The following PLEKHA2 variants were observed in gnomAD, a reference collection of about 807,000 sequenced individuals.
The protein encoded by PLEKHA2 is pleckstrin homology domain-containing family A member 2.
A neutral mutation model predicts 53.2 loss-of-function variants in PLEKHA2; 28 were observed. The observed-to-expected ratio is 0.53, with a 90% CI of 0.39 to 0.72. PLEKHA2 has a LOEUF of 0.72. Among genes scored for constraint, PLEKHA2 ranks in the 30% least tolerant of loss-of-function variants. The pLI is 0.00. For missense variants in PLEKHA2, 426 were observed against 537.9 expected, an observed-to-expected ratio of 0.79 and a Z score of 2.06; for synonymous variants, 193 against 196.4, an observed-to-expected ratio of 0.98 and a Z score of 0.14.
intron 2 of PLEKHA2, among the ~76,000 whole-genome samples, chr8:38,930,029 A>G (rs1834361191): frequency 6.6e-6 from 1 of 152,182 alleles, no homozygotes; most frequent in South Asian, 2.1e-4. Context: ...GGTGTGCCAC[A>G]TCCCTGTATG....
intron 2 of PLEKHA2, among the ~76,000 whole-genome samples, chr8:38,918,414 T>TGC (rs1834103012): frequency 7.6e-6 from 1 of 131,708 alleles, no homozygotes. Flanking sequence ...CACAGACACA[T>TGC]ACACACACCA....
chr8:38,949,865 T>C (rs1050735656), intron 5 of PLEKHA2, among the ~76,000 whole-genome samples: 6 of 152,212 alleles, frequency 3.9e-5, no homozygotes, highest in Non-Finnish European at 8.8e-5. Flanking sequence ...GGTTTGATGG[T>C]TGCCAAAGGT....
intron 10 of PLEKHA2, among the ~76,000 whole-genome samples, chr8:38,957,597 GCCGCT>G (rs772572375): frequency 1.4e-4 from 21 of 152,230 alleles, no homozygotes; most frequent in Non-Finnish European, 2.2e-4. Flanking sequence ...AGCAGGTTGA[GCCGCT>G]CTACTGAGGA....
chr8:38,926,809 G>A (rs1834297218), intron 2 of PLEKHA2, among the ~76,000 whole-genome samples: 2 of 152,120 alleles, frequency 1.3e-5, no homozygotes, highest in African/African-American at 4.8e-5. Flanking sequence ...AAGCTACTCA[G>A]GAGGCTGAGG....
rs931115173 is a variant in PLEKHA2, at chr8:38,969,902, G to A, written c.*119G>A. The A allele has an allele frequency of 7.1e-6, 10 of 1,414,260 alleles. No homozygotes were observed. Among genetic ancestry groups the A allele is most frequent in the South Asian group, 5.3e-5 (4 of 75,038 alleles). 87.6% of individuals were successfully genotyped at this position (1,414,260 alleles called of 1,614,324 possible). On this transcript the variant is annotated 3_prime_UTR_variant, in exon 12 of 12. Transcript: ENST00000617275. Reference sequence around the variant, plus strand: ...AGGCCTTTATGTCACTCATATTCCTGTGGATGCTCTTTGGGAGGGAGGGGC... The same window carrying A: ...AGGCCTTTATGTCACTCATATTCCTATGGATGCTCTTTGGGAGGGAGGGGC...
At chr8:38,943,686 C>T (rs1031164837) in intron 3 of PLEKHA2, 103 bp from the exon 4 acceptor site, 9 of 815,390 alleles carry the variant, frequency 1.1e-5, no homozygotes, top group Middle Eastern at 3.5e-4. Context: ...AAAATGTAGA[C>T]ATATGTTTAA....
At chr8:38,915,935 C>T (rs1834052310) in intron 1 of PLEKHA2, among the ~76,000 whole-genome samples, 1 of 152,084 alleles carries the variant, frequency 6.6e-6, no homozygotes, top group Admixed American at 6.6e-5. Context: ...GGTATTCATC[C>T]CCTTCAGCAT....
intron 5 of PLEKHA2, chr8:38,950,579 C>G (rs949085746): frequency 6.0e-6 from 2 of 332,906 alleles, no homozygotes; most frequent in Admixed American, 4.7e-5. Context: ...TCGCTTGACA[C>G]TTTATCTTTG....
chr8:38,901,689 G>T (rs1285267547), intron 1 of PLEKHA2: 2 of 151,680 alleles, frequency 1.3e-5, no homozygotes, highest in African/African-American at 4.9e-5. Context: ...TCCTCCAAGT[G>T]CCCCGGGTGG....
intron 1 of PLEKHA2, among the ~76,000 whole-genome samples, chr8:38,904,218 C>G (rs1376490249): frequency 6.6e-6 from 1 of 152,182 alleles, no homozygotes; most frequent in African/African-American, 2.4e-5. Flanking sequence ...CCTGCCCTGA[C>G]CCCAGTTGAC....
intron 5 of PLEKHA2, among the ~76,000 whole-genome samples, chr8:38,950,009 C>T (rs537208459): frequency 6.6e-6 from 1 of 152,098 alleles, no homozygotes. Context: ...AATGCCTTCT[C>T]CCAGCTTCAT....
At chr8:38,946,386 A>G (rs1834715510) in intron 5 of PLEKHA2, among the ~76,000 whole-genome samples, 165 bp downstream of exon 5, 1 of 152,322 alleles carries the variant, frequency 6.6e-6, no homozygotes, top group African/African-American at 2.4e-5. Context: ...CTGACCAAAC[A>G]CAAGTTGAAC....
In PLEKHA2 at chr8:38,969,815, A is replaced by C; in HGVS notation, c.*32A>C. 4.2e-6 allele frequency: 2 copies of C among 479,728 alleles called. No homozygotes were observed. Among genetic ancestry groups the C allele is most frequent in the Non-Finnish European group, 8.2e-6 (2 of 243,926 alleles). 29.7% of individuals were successfully genotyped at this position (479,728 alleles called of 1,614,324 possible). ...ACAGTGCCATGGGAGGGAGGGAGGG[A>C]GGGAGGACTTGAGAGAAGGAGGCTG... On this transcript the variant is annotated 3_prime_UTR_variant, in exon 12 of 12. Coordinates refer to ENST00000617275, the MANE Select transcript of PLEKHA2 (RefSeq NM_021623.2).
chr8:38,901,428 C>A lies in PLEKHA2; in HGVS notation c.-41C>A, dbSNP rs1448568056. 3.1e-5 allele frequency: 2 copies of A among 64,258 alleles called. No individual in the cohort carries two copies. The highest frequency in any genetic ancestry group is 7.4e-5 in the Non-Finnish European group (2 of 27,060). The allele number at this position is 64,258 out of a possible 1,614,324, so 4.0% of individuals were successfully genotyped here. A position where few individuals can be genotyped will look rare whatever the true frequency, so the allele number is the denominator to read the frequency against. ...GATGTAACGCGCCCCGCCCGAGCCCCGGCCCCTGCACGGGGGGGTAAGTTG... is the reference window on the plus strand; with the variant it reads ...GATGTAACGCGCCCCGCCCGAGCCCAGGCCCCTGCACGGGGGGGTAAGTTG... On this transcript the variant is annotated 5_prime_UTR_variant, in exon 1 of 12. Transcript: ENST00000617275.
At chr8:38,964,147 G>A (rs6998440) in intron 10 of PLEKHA2, among the ~76,000 whole-genome samples, 82,093 of 151,930 alleles carry the variant, frequency 0.54, 23,718 homozygotes, top group African/African-American at 0.76. Context: ...GGAGCTGAGG[G>A]TTCCTAAATA....
At chr8:38,904,429 C>G (rs2152363050) in intron 1 of PLEKHA2, among the ~76,000 whole-genome samples, 1 of 152,330 alleles carries the variant, frequency 6.6e-6, no homozygotes, top group African/African-American at 2.4e-5. Context: ...TGTCCTTATG[C>G]TCTTGAGAAG....
intron 1 of PLEKHA2, among the ~76,000 whole-genome samples, chr8:38,906,617 T>C (rs1833881259): frequency 6.6e-6 from 1 of 152,204 alleles, no homozygotes; most frequent in South Asian, 2.1e-4. Flanking sequence ...TCTCGCACTT[T>C]ATTCTCCCGC....
intron 2 of PLEKHA2, among the ~76,000 whole-genome samples, chr8:38,933,853 A>G (rs1291125714): frequency 6.6e-6 from 1 of 151,550 alleles, no homozygotes; most frequent in Non-Finnish European, 1.5e-5. Flanking sequence ...TAGAAGTGTA[A>G]ATCAGATTAT....
chr8:38,943,093 A>T (rs1834641452), intron 3 of PLEKHA2, among the ~76,000 whole-genome samples: 1 of 151,998 alleles, frequency 6.6e-6, no homozygotes, highest in African/African-American at 2.4e-5. Flanking sequence ...CGATTTAGGG[A>T]GAGGGTTGGC....
Sources: gnomAD v4.1 joint callset for allele counts (sites outside exome capture counted in the v4.1 genomes callset) on GRCh38, gnomAD v4.1.1 for gene constraint, MANE v1.5 for transcripts, NCBI Gene and HGNC (gene_info 2026-07-23, HGNC 2026-07-21) for gene names.